MPP7: variants seen among roughly 807,000 people sequenced by gnomAD.
MPP7 encodes the protein MAGUK p55 subfamily member 7.
In MPP7, 60 loss-of-function variants were observed where a neutral mutation model predicts 76.5. That is an observed-to-expected ratio of 0.78 (90% CI 0.64 to 0.97). MPP7 has a LOEUF of 0.97. Ranked by LOEUF, MPP7 falls within the 50% of genes least tolerant of loss-of-function variation. MPP7 has a pLI of 0.00. For missense variants in MPP7, 641 were observed against 694.0 expected (o/e 0.92, Z 0.86); for synonymous variants, 237 against 244.5 (o/e 0.97, Z 0.29).
Position 28,238,694 on chromosome 10 carries a change from GC to G in MPP7, c.-91del. On this transcript the variant is annotated 5_prime_UTR_variant, in exon 2 of 17. Coordinates refer to ENST00000683449, the MANE Select transcript of MPP7 (RefSeq NM_001318170.2). ...GGGAATTCCAATTCAACAGCCTGCA[GC>G]CACGTTGTCTACCAAGATCTGTATA... 1 of 1,265,450 alleles carries G rather than the reference GC, an allele frequency of 7.9e-7. No individual in the cohort carries two copies. The highest frequency in any genetic ancestry group is 1.2e-6 in the Non-Finnish European group (1 of 866,766). The allele number at this position is 1,265,450 out of a possible 1,614,324, so 78.4% of individuals were successfully genotyped here.
intron 3 of MPP7, among the ~76,000 whole-genome samples, chr10:28,199,879 A>AACACACAC (rs3064104): frequency 1.3e-5 from 2 of 148,840 alleles, no homozygotes; most frequent in East Asian, 2.0e-4. Context: ...AGCCCATTTA[A>AACACACAC]ACACACACAC....
At chr10:28,292,570 C>G (rs1840946091) in intron 1 of MPP7, among the ~76,000 whole-genome samples, 1 of 152,112 alleles carries the variant, frequency 6.6e-6, no homozygotes, top group Non-Finnish European at 1.5e-5. Flanking sequence ...AATTGCTAGA[C>G]TCCACTCTCT....
rs982283142 is a variant in MPP7 at position 28,122,823 on chromosome 10, G to C, written c.615+1208C>G. Among the ~76,000 whole-genome samples the C allele has an allele frequency of 5.9e-5, 9 of 151,578 alleles. No homozygotes were observed. In the East Asian group the frequency reaches 1.7e-3, roughly 29 times the overall value. ...TCATTTGTCTTTGATGTTTCTTTAT[G>C]GCACCTTTTTTCTATAAAGAAAGTT... On this transcript the variant is annotated intron_variant, in intron 8 of 16. Coordinates refer to ENST00000683449, the MANE Select transcript of MPP7 (RefSeq NM_001318170.2).
At chr10:28,135,339 T>C (rs1835321579) in intron 5 of MPP7, among the ~76,000 whole-genome samples, 1 of 152,160 alleles carries the variant, frequency 6.6e-6, no homozygotes, top group African/African-American at 2.4e-5. Context: ...TCCTTAGCCA[T>C]GGCATGCATA....
At chr10:28,078,885 T>C (rs977141077) in intron 12 of MPP7, among the ~76,000 whole-genome samples, 1 of 152,246 alleles carries the variant, frequency 6.6e-6, no homozygotes, top group African/African-American at 2.4e-5. Flanking sequence ...AAGGTGTCGA[T>C]AAAATGTTAA....
At chr10:28,101,649 G>A (rs938008551) in intron 11 of MPP7, among the ~76,000 whole-genome samples, 5 of 152,032 alleles carry the variant, frequency 3.3e-5, no homozygotes, top group African/African-American at 1.2e-4. Flanking sequence ...GAAATTATTT[G>A]TAAGAAAGTA....
At chr10:28,243,635 G>A (rs1340994422) in intron 1 of MPP7, among the ~76,000 whole-genome samples, 1 of 141,874 alleles carries the variant, frequency 7.0e-6, no homozygotes, top group Non-Finnish European at 1.5e-5. Flanking sequence ...TGGTGTAACA[G>A]CAAATATCCA....
At chr10:28,274,990 T>C (rs1341946922) in intron 1 of MPP7, among the ~76,000 whole-genome samples, 1 of 152,194 alleles carries the variant, frequency 6.6e-6, no homozygotes, top group African/African-American at 2.4e-5. Flanking sequence ...TACATTCAAA[T>C]ACTATAATCA....
intron 2 of MPP7, among the ~76,000 whole-genome samples, chr10:28,209,688 T>C (rs942324304): frequency 6.6e-6 from 1 of 152,198 alleles, no homozygotes; most frequent in Admixed American, 6.5e-5. Context: ...CTTAACAATA[T>C]GCTAAGCCTG....
intron 1 of MPP7, among the ~76,000 whole-genome samples, chr10:28,291,689 T>G (rs1293634653): frequency 6.6e-6 from 1 of 152,176 alleles, no homozygotes; most frequent in East Asian, 1.9e-4. Flanking sequence ...TGTGTGTTTG[T>G]GTCTTAGTTT....
At chr10:28,125,970 C>T (rs555920448) in intron 6 of MPP7, among the ~76,000 whole-genome samples, 19 of 152,274 alleles carry the variant, frequency 1.2e-4, no homozygotes, top group Middle Eastern at 3.4e-3. Context: ...CATAATACTG[C>T]TAAAAAGGTA....
intron 2 of MPP7, among the ~76,000 whole-genome samples, chr10:28,207,608 C>A (rs1272450516): frequency 2.0e-5 from 3 of 151,720 alleles, no homozygotes; most frequent in African/African-American, 7.3e-5. Context: ...TCACTTGAGC[C>A]CAGGAGGTAA....
chr10:28,103,159 T>G (rs1478723759), intron 11 of MPP7, among the ~76,000 whole-genome samples: 1 of 151,346 alleles, frequency 6.6e-6, no homozygotes, highest in African/African-American at 2.4e-5. Flanking sequence ...ACATGCATCC[T>G]GTCTCGGGGC....
At chr10:28,122,335 A>G (rs1175864589) in intron 8 of MPP7, among the ~76,000 whole-genome samples, 2 of 152,194 alleles carry the variant, frequency 1.3e-5, no homozygotes, top group African/African-American at 2.4e-5. Flanking sequence ...TAGCATATGG[A>G]TGAATGATTA....
Position 28,147,514 on chromosome 10 carries a change from AGCT to A in MPP7, c.281_283del (p.Glu94_Leu95delinsVal). ...ATTGGGTTTTGACAGTAGTTTCAAC[AGCT>A]CTCTGATCTCACTGTTTAATGGCTT... is the stretch of plus-strand genomic sequence containing the variant. On this transcript the variant is annotated inframe_deletion, in exon 5 of 17. Coordinates refer to ENST00000683449, the MANE Select transcript of MPP7 (RefSeq NM_001318170.2). 1 of 1,614,122 alleles carries A rather than the reference AGCT, an allele frequency of 6.2e-7. No individual in the cohort carries two copies. Among genetic ancestry groups the A allele is most frequent in the Non-Finnish European group, 8.5e-7 (1 of 1,179,960 alleles).
At chr10:28,107,364 C>T (rs1307657146) in intron 11 of MPP7, among the ~76,000 whole-genome samples, 2 of 152,088 alleles carry the variant, frequency 1.3e-5, no homozygotes, top group East Asian at 3.9e-4. Context: ...GTGCTTTATG[C>T]CACAGTTTTC....
chr10:28,133,722 G>A (rs1835266391), intron 5 of MPP7, among the ~76,000 whole-genome samples: 1 of 152,000 alleles, frequency 6.6e-6, no homozygotes, highest in African/African-American at 2.4e-5. Context: ...CCAAACTCCA[G>A]TGGCCCCCAC....
chr10:28,318,068 G>A (rs969998635), intron 2 of MPP7, among the ~76,000 whole-genome samples: 3 of 152,106 alleles, frequency 2.0e-5, no homozygotes, highest in African/African-American at 4.8e-5. Flanking sequence ...TAGAGCCTTG[G>A]CAACCTCAAA....
At chr10:28,087,726 T>C (rs111790051) in intron 12 of MPP7, among the ~76,000 whole-genome samples, 2,606 of 152,156 alleles carry the variant, frequency 0.017, 72 homozygotes, top group African/African-American at 0.057. Flanking sequence ...GTCTTTCCCC[T>C]TGGCTGAGGA....
Sources: gnomAD v4.1 joint callset for allele counts (sites outside exome capture counted in the v4.1 genomes callset) on GRCh38, gnomAD v4.1.1 for gene constraint, MANE v1.5 for transcripts, NCBI Gene and HGNC (gene_info 2026-07-23, HGNC 2026-07-21) for gene names.